Variants in CTNND2 observed in about 807,000 individuals in gnomAD.
CTNND2 encodes the protein catenin delta 2, also known as catenin delta-2.
CTNND2 carries 22 observed loss-of-function variants against 144.4 expected under a neutral mutation model. The ratio of observed to expected loss-of-function variants is 0.15; its 90% CI spans 0.11 to 0.22. The LOEUF (loss-of-function observed/expected upper bound fraction) is 0.22, where lower values mean the gene tolerates loss of function less well. Ranked by LOEUF, CTNND2 falls within the 10% of genes least tolerant of loss-of-function variation. The pLI is 1.00. For synonymous variants in CTNND2, 751 were observed against 695.6 expected, an observed-to-expected ratio of 1.08 and a Z score of -1.25; for missense variants, 1,353 against 1,618.8, an observed-to-expected ratio of 0.84 and a Z score of 2.82.
chr5:11,715,603 GT>G (rs1195926454), intron 2 of CTNND2, among the ~76,000 whole-genome samples: 1 of 152,144 alleles, frequency 6.6e-6, no homozygotes, highest in Non-Finnish European at 1.5e-5. Context: ...TGGGAATTCA[GT>G]TCTAGGAGGC....
rs535221960 is a variant in CTNND2, at chr5:11,129,728, G to C, written c.2160-12161C>G. On this transcript the variant is annotated intron_variant, in intron 12 of 21. Coordinates refer to ENST00000304623, the MANE Select transcript of CTNND2 (RefSeq NM_001332.4). ...TATCTGTCTAGGACATGAGTACACTGGATTATAAGAGAGAGAAATGAGGCA... is the reference window on the plus strand; with the variant it reads ...TATCTGTCTAGGACATGAGTACACTCGATTATAAGAGAGAGAAATGAGGCA... Among the ~76,000 whole-genome samples, 181 of 151,972 alleles carry C rather than the reference G, an allele frequency of 1.2e-3. 1 individual carries two copies. The highest frequency in any genetic ancestry group is 1.8e-3 in the Non-Finnish European group (124 of 67,988).
intron 1 of CTNND2, among the ~76,000 whole-genome samples, chr5:11,879,379 A>ATATG (rs1735859186): frequency 6.9e-6 from 1 of 144,160 alleles, no homozygotes; most frequent in Non-Finnish European, 1.5e-5. Flanking sequence ...ACACACAAAC[A>ATATG]TATACATACA....
chr5:11,791,621 C>T (rs1401552799), intron 1 of CTNND2, among the ~76,000 whole-genome samples: 1 of 152,122 alleles, frequency 6.6e-6, no homozygotes, highest in Non-Finnish European at 1.5e-5. Context: ...GCAAACGTTG[C>T]CATAGAAACA....
At chr5:11,116,058 T>C (rs1201478149) in intron 13 of CTNND2, among the ~76,000 whole-genome samples, 2 of 152,248 alleles carry the variant, frequency 1.3e-5, no homozygotes, top group Non-Finnish European at 2.9e-5. Context: ...ATCTAAGATG[T>C]ACATCAAATT....
intron 3 of CTNND2, among the ~76,000 whole-genome samples, chr5:11,480,987 C>T (rs249264): frequency 0.6 from 91,338 of 151,858 alleles, 28,592 homozygotes; most frequent in African/African-American, 0.77. Flanking sequence ...AAGCACATGA[C>T]GATATTTTGA....
intron 10 of CTNND2, among the ~76,000 whole-genome samples, chr5:11,231,205 G>A (rs1250371723): frequency 1.3e-5 from 2 of 152,104 alleles, no homozygotes; most frequent in Non-Finnish European, 2.9e-5. Flanking sequence ...CCAGTCCTGT[G>A]AGTCCATTAA....
intron 1 of CTNND2, among the ~76,000 whole-genome samples, chr5:11,831,050 T>C (rs779032523): frequency 2.0e-5 from 3 of 151,768 alleles, no homozygotes; most frequent in Non-Finnish European, 4.4e-5. Flanking sequence ...GAGAGTATGT[T>C]TGTGTGTGTG....
intron 9 of CTNND2, among the ~76,000 whole-genome samples, chr5:11,246,761 C>T (rs1218283543): frequency 6.6e-6 from 1 of 151,828 alleles, no homozygotes; most frequent in African/African-American, 2.4e-5. Context: ...ATACAGAGGC[C>T]AGGGGAGACT....
intron 9 of CTNND2, among the ~76,000 whole-genome samples, chr5:11,307,538 C>T (rs1750372304): frequency 6.6e-6 from 1 of 152,098 alleles, no homozygotes; most frequent in Non-Finnish European, 1.5e-5. Flanking sequence ...TTAAAATAAC[C>T]TCTCACTAGT....
At chr5:11,704,289 AG>A (rs2126677334) in intron 2 of CTNND2, among the ~76,000 whole-genome samples, 1 of 152,368 alleles carries the variant, frequency 6.6e-6, no homozygotes, top group East Asian at 1.9e-4. Flanking sequence ...CATTCACTAC[AG>A]GAAGACTAAT....
chr5:11,364,873 A>G lies in CTNND2; in HGVS notation c.1195T>C (p.Tyr399His). ...CCCAGGTGCCCATGCTGGCTGCTGT[A>G]TGAGGCTCGGGAACCAGCTGAAATA... The part of the protein sequence containing the change: ...GSLAAGSRAS[Y>H]SSQHGHLGPE... The change falls in exon 8 of 22, where the codon TAC becomes CAC. Residue 399 changes from tyrosine (Y) to histidine (H), a missense_variant. By Grantham distance (83) the Tyr-to-His change is moderately conservative. Transcript: ENST00000304623. 6.2e-7 allele frequency: 1 copy of G among 1,612,190 alleles called. No individual in the cohort carries two copies. The highest frequency in any genetic ancestry group is 1.1e-5 in the South Asian group (1 of 90,852).
chr5:11,784,048 A>T (rs140145277), intron 1 of CTNND2, among the ~76,000 whole-genome samples: 305 of 152,350 alleles, frequency 2.0e-3, no homozygotes, highest in African/African-American at 6.8e-3. Flanking sequence ...GTTGCAAAAC[A>T]AACCAGAACA....
intron 1 of CTNND2, among the ~76,000 whole-genome samples, chr5:11,830,181 C>T (rs1184005799): frequency 6.6e-6 from 1 of 152,188 alleles, no homozygotes; most frequent in Non-Finnish European, 1.5e-5. Context: ...CCTGCCTTGC[C>T]TCAGATGAGA....
Position 11,299,755 on chromosome 5 carries a change from A to G in CTNND2, c.1628+46617T>C, listed in dbSNP as rs901354033. On this transcript the variant is annotated intron_variant, in intron 9 of 21. Coordinates refer to ENST00000304623, the MANE Select transcript of CTNND2 (RefSeq NM_001332.4). ...GGATGCTGAGAACAAGTGCAAAACCATAACAGGATGCTGGGAGCCTGGGCC... is the reference window on the plus strand; with the variant it reads ...GGATGCTGAGAACAAGTGCAAAACCGTAACAGGATGCTGGGAGCCTGGGCC... Among the ~76,000 whole-genome samples, 6 of 152,300 alleles carry G rather than the reference A, an allele frequency of 3.9e-5. No individual in the cohort carries two copies. The South Asian group carries it at 1.0e-3, about 26-fold the overall frequency.
rs138435545 is a variant in CTNND2, at chr5:10,973,887, T to A, written c.3418-174A>T. On this transcript the variant is annotated intron_variant, in intron 21 of 21. Transcript: ENST00000304623. The surrounding 1 kb of genome is among the most constrained non-coding windows in gnomAD (Gnocchi z 5.6). ...TGTCATTGGCTTTCCTTTTGAAAAT[T>A]GGATCCTAGGTCCACGTGCTATCAT... Among the ~76,000 whole-genome samples the A allele has an allele frequency of 1.5e-3, 229 of 152,350 alleles. 1 individual carries two copies. The highest frequency in any genetic ancestry group is 5.2e-3 in the African/African-American group (216 of 41,568).
chr5:11,353,177 A>G (rs73742807), intron 8 of CTNND2, among the ~76,000 whole-genome samples: 2,233 of 151,476 alleles, frequency 0.015, 50 homozygotes, highest in African/African-American at 0.052. Flanking sequence ...CTACCATATT[A>G]GGGGCTTCTT....
rs1758847712 is a variant in CTNND2, at chr5:11,384,598, G to A, written c.1177+67C>T. The A allele has an allele frequency of 6.8e-6, 10 of 1,468,062 alleles. No homozygotes were observed. Among genetic ancestry groups the A allele is most frequent in the South Asian group, 2.5e-5 (2 of 80,930 alleles). The allele number at this position is 1,468,062 out of a possible 1,614,324, so 90.9% of individuals were successfully genotyped here. A position where few individuals can be genotyped will look rare whatever the true frequency, so the allele number is the denominator to read the frequency against. ...GCCCGGCTTCGCTTCTGCTCAAGCC[G>A]GGCTGCTGCTTCCGCGTCCCCGCCA... On this transcript the variant is annotated intron_variant, in intron 7 of 21. Transcript: ENST00000304623. The surrounding 1 kb of genome is among the most constrained non-coding windows in gnomAD (Gnocchi z 5.2).
At chr5:11,892,087 C>T (rs1737011519) in intron 1 of CTNND2, among the ~76,000 whole-genome samples, 1 of 152,216 alleles carries the variant, frequency 6.6e-6, no homozygotes, top group Non-Finnish European at 1.5e-5. Flanking sequence ...TCTATAACAT[C>T]ACACATCTGC....
At chr5:11,480,975 C>T (rs1315084657) in intron 3 of CTNND2, among the ~76,000 whole-genome samples, 7 of 151,900 alleles carry the variant, frequency 4.6e-5, no homozygotes, top group African/African-American at 7.3e-5. Flanking sequence ...ATACACTCAT[C>T]GAAGCACATG....
Sources: gnomAD v4.1 joint callset for allele counts (sites outside exome capture counted in the v4.1 genomes callset) on GRCh38, gnomAD v4.1.1 for gene constraint, Gnocchi (gnomAD v3.1) non-coding constraint, MANE v1.5 for transcripts, NCBI Gene and HGNC (gene_info 2026-07-23, HGNC 2026-07-21) for gene names.